Variants in LTBP2 observed in about 807,000 individuals in gnomAD.
The protein encoded by LTBP2 is latent transforming growth factor beta binding protein 2.
LTBP2 carries 103 observed loss-of-function variants against 210.6 expected under a neutral mutation model. The observed-to-expected ratio is 0.49, with a 90% confidence interval of 0.42 to 0.58. LTBP2 has a LOEUF of 0.58. Ranked by LOEUF, LTBP2 falls within the 20% of genes least tolerant of loss-of-function variation. The pLI is 0.00. For synonymous variants in LTBP2, 1,007 were observed against 1,015.0 expected (o/e 0.99, Z 0.15); for missense variants, 2,313 against 2,494.5 (o/e 0.93, Z 1.55).
At chr14:74,604,327 G>C (rs535403573) in intron 1 of LTBP2, among the ~76,000 whole-genome samples, 5 of 152,238 alleles carry the variant, frequency 3.3e-5, no homozygotes, top group African/African-American at 1.2e-4. Context: ...CTCAGCCCCC[G>C]GCAGTCTGGT....
chr14:74,541,433 C>A (rs952292607), intron 8 of LTBP2, among the ~76,000 whole-genome samples: 4 of 152,050 alleles, frequency 2.6e-5, no homozygotes, highest in Non-Finnish European at 4.4e-5. Flanking sequence ...CTCATAAGAG[C>A]CCTTGGAGAG....
Position 74,503,963 on chromosome 14 carries a change from G to A in LTBP2, c.4545C>T (p.Pro1515=), listed in dbSNP as rs144521879. Reference sequence around the variant, plus strand: ...TGTGGGAAGCATCGTAGTGGAAGCCGGGATTGCACAGGCAGACATAACCAG... The same window carrying A: ...TGTGGGAAGCATCGTAGTGGAAGCCAGGATTGCACAGGCAGACATAACCAG... ...TVPGYVCLCN[P]GFHYDASHKK... Residue 1515 remains proline (P), a synonymous_variant, in exon 31 of 36, where the codon CCC becomes CCT. Coordinates refer to ENST00000261978, the MANE Select transcript of LTBP2 (RefSeq NM_000428.3). The A allele has an allele frequency of 8.9e-4, 1,430 of 1,614,144 alleles. 2 individuals carry two copies. Among genetic ancestry groups the A allele is most frequent in the Non-Finnish European group, 1.1e-3 (1,243 of 1,180,026 alleles).
At chr14:74,610,559 A>C (rs976191959) in intron 1 of LTBP2, among the ~76,000 whole-genome samples, 1 of 152,074 alleles carries the variant, frequency 6.6e-6, no homozygotes, top group African/African-American at 2.4e-5. Context: ...CCAGCCCCTC[A>C]CTGCCCAGGG....
intron 2 of LTBP2, among the ~76,000 whole-genome samples, chr14:74,593,716 C>G (rs998324885): frequency 6.6e-6 from 1 of 152,156 alleles, no homozygotes; most frequent in East Asian, 1.9e-4. Flanking sequence ...CCACACTGGA[C>G]AGCAAGATAT....
chr14:74,600,254 G>A (rs779145043), intron 2 of LTBP2, among the ~76,000 whole-genome samples: 21 of 152,224 alleles, frequency 1.4e-4, no homozygotes, highest in South Asian at 6.2e-4. Flanking sequence ...GCCCTGCCAC[G>A]GGCGAGCCAA....
chr14:74,539,300 AG>A (rs2087461942), intron 8 of LTBP2, among the ~76,000 whole-genome samples: 1 of 152,224 alleles, frequency 6.6e-6, no homozygotes, highest in African/African-American at 2.4e-5. Context: ...CTAGCTGTGA[AG>A]GCCACATCCT....
intron 9 of LTBP2, among the ~76,000 whole-genome samples, chr14:74,535,034 CG>C (rs1397263363): frequency 6.6e-6 from 1 of 152,092 alleles, no homozygotes; most frequent in African/African-American, 2.4e-5. Context: ...GGCAAAAATA[CG>C]TATTTCTCCC....
intron 8 of LTBP2, among the ~76,000 whole-genome samples, chr14:74,540,660 G>T (rs2087480974): frequency 6.8e-6 from 1 of 147,398 alleles, no homozygotes; most frequent in African/African-American, 2.5e-5. Flanking sequence ...AGCTACTTGG[G>T]AGGCTGAGGC....
At chr14:74,567,556 C>T (rs764800715) in intron 3 of LTBP2, among the ~76,000 whole-genome samples, 4 of 152,106 alleles carry the variant, frequency 2.6e-5, no homozygotes, top group African/African-American at 9.7e-5. Context: ...GCTGCTGTGG[C>T]GATAGCCCTC....
intron 8 of LTBP2, among the ~76,000 whole-genome samples, chr14:74,544,084 C>T (rs2087548974): frequency 6.6e-6 from 1 of 152,240 alleles, no homozygotes; most frequent in South Asian, 2.1e-4. Context: ...TCCCAGCAGG[C>T]TTCAAGTCCC....
intron 5 of LTBP2, 93 bp downstream of exon 5, chr14:74,552,799 G>A: frequency 2.0e-6 from 3 of 1,474,398 alleles, no homozygotes; most frequent in Admixed American, 3.9e-5. Context: ...CACAGTTTGG[G>A]AGCAGCGGGC....
intron 17 of LTBP2, among the ~76,000 whole-genome samples, chr14:74,519,887 A>G (rs1469673072): frequency 1.3e-5 from 2 of 152,092 alleles, no homozygotes; most frequent in East Asian, 3.9e-4. Flanking sequence ...ACCCACCTAG[A>G]CGATTGGAGC....
rs979310301 is a variant in LTBP2, at chr14:74,500,172, A to G, written c.*712T>C. 11 of 234,002 alleles carry G rather than the reference A, an allele frequency of 4.7e-5. No individual in the cohort carries two copies. Among genetic ancestry groups the G allele is most frequent in the Non-Finnish European group, 7.6e-5 (9 of 119,026 alleles). The allele number at this position is 234,002 out of a possible 1,614,324, so 14.5% of individuals were successfully genotyped here. On this transcript the variant is annotated 3_prime_UTR_variant, in exon 36 of 36. Transcript: ENST00000261978. ...AAGCCTTGGCTCCCCTTTCTCATCA[A>G]CTCCACGTATTTTTCATCATGTCCT...
chr14:74,528,101 G>A (rs918106047), intron 12 of LTBP2, among the ~76,000 whole-genome samples: 1 of 152,226 alleles, frequency 6.6e-6, no homozygotes, highest in Admixed American at 6.5e-5. Flanking sequence ...GGCCGGGCCA[G>A]GGGTCTGACA....
chr14:74,555,369 T>G (rs2139751997), intron 4 of LTBP2, 134 bp downstream of exon 4: 3 of 955,376 alleles, frequency 3.1e-6, no homozygotes, highest in Non-Finnish European at 4.8e-6. Flanking sequence ...CAACAAGCGT[T>G]TGTTGATTGG....
intron 15 of LTBP2, among the ~76,000 whole-genome samples, chr14:74,523,473 G>A (rs979961079): frequency 1.3e-5 from 2 of 152,098 alleles, no homozygotes; most frequent in African/African-American, 2.4e-5. Flanking sequence ...CTCAGGCAAC[G>A]AGATGATGGA....
intron 8 of LTBP2, among the ~76,000 whole-genome samples, chr14:74,540,944 A>ATATTT (rs1248514534): frequency 7.0e-4 from 17 of 24,300 alleles, no homozygotes; most frequent in African/African-American, 1.5e-3. Context: ...ATATATATAT[A>ATATTT]TTTTTTATAT....
In LTBP2 at chr14:74,611,509, C is replaced by T. The variant is rs763571475; in HGVS notation, c.436G>A (p.Gly146Arg). ...GCAGCCCCAGACCGCTGTGGGGTCC[C>T]CAGGCGTGGGAGAGCCGGCGCGGCC... The part of the protein sequence containing the change: ...TRAAPALPRL[G>R]TPQRSGAAPP... The change falls in exon 1 of 36, where the codon GGG (glycine) becomes AGG (arginine). Residue 146 changes from glycine (G) to arginine (R), a missense_variant. Coordinates refer to ENST00000261978, the MANE Select transcript of LTBP2 (RefSeq NM_000428.3). The T allele has an allele frequency of 6.5e-6, 10 of 1,530,190 alleles. No homozygotes were observed. In the Admixed American group the frequency reaches 2.0e-4, roughly 31 times the overall value. The allele number at this position is 1,530,190 out of a possible 1,614,324, so 94.8% of individuals were successfully genotyped here.
chr14:74,569,937 C>G (rs1209012542), intron 3 of LTBP2, among the ~76,000 whole-genome samples: 1 of 152,146 alleles, frequency 6.6e-6, no homozygotes, highest in East Asian at 1.9e-4. Context: ...TCACCCCTCC[C>G]ATCACTGCAG....
Sources: gnomAD v4.1 joint callset for allele counts (sites outside exome capture counted in the v4.1 genomes callset) on GRCh38, gnomAD v4.1.1 for gene constraint, MANE v1.5 for transcripts, NCBI Gene and HGNC (gene_info 2026-07-23, HGNC 2026-07-21) for gene names.